HAVCR2: variants seen among roughly 807,000 people sequenced by gnomAD.
HAVCR2 encodes T cell immunoglobulin mucin 3.
Under a neutral mutation model 24.7 loss-of-function variants are expected in HAVCR2, and 13 were observed. The ratio of observed to expected loss-of-function variants is 0.53; its 90% confidence interval spans 0.34 to 0.84. The LOEUF is 0.84. HAVCR2 is among the 40% of genes least tolerant of loss of function. HAVCR2 has a pLI of 0.01. For synonymous variants in HAVCR2, 154 were observed against 143.4 expected (o/e 1.07, Z -0.53); for missense variants, 343 against 371.2 (o/e 0.92, Z 0.62).
intron 5 of HAVCR2, among the ~76,000 whole-genome samples, chr5:157,089,366 G>A (rs1349587413): frequency 4.6e-5 from 7 of 151,826 alleles, no homozygotes; most frequent in Non-Finnish European, 7.4e-5. Flanking sequence ...GAGAAACCCC[G>A]TCTCTACTAA....
At position 157,089,981 on chromosome 5, in the gene HAVCR2, C is replaced by T. The variant is rs558760288; in HGVS notation, c.677-1004G>A. The stretch of plus-strand genomic sequence containing the variant: ...TTCTTTTACCCGCTGAAAACAACTA[C>T]GTTATCTCATCATTTCTGTGTTGTG... On this transcript the variant is annotated intron_variant, in intron 5 of 6. Coordinates refer to ENST00000307851, the MANE Select transcript of HAVCR2 (RefSeq NM_032782.5). Among the ~76,000 whole-genome samples the T allele has an allele frequency of 3.3e-5, 5 of 152,142 alleles. No individual in the cohort carries two copies. The South Asian group carries it at 6.2e-4, about 19-fold the overall frequency.
In HAVCR2 at chr5:157,095,382, T is replaced by C. The variant is rs769397225; in HGVS notation, c.600A>G (p.Arg200=). 3.1e-6 allele frequency: 5 copies of C among 1,614,176 alleles called. No individual in the cohort carries two copies. The highest frequency in any genetic ancestry group is 4.2e-6 in the Non-Finnish European group (5 of 1,180,026). ...TCCCTGCTCCGATGTAGATGCCTAT[T>C]CTGATGGTTGCTCCAGAGTCCCGTA... ...NDLRDSGATI[R]IGIYIGAGIC... The change falls in exon 5 of 7, where the codon AGA becomes AGG. Residue 200 remains arginine (R), a synonymous_variant. Transcript: ENST00000307851.
At chr5:157,103,083 G>C (rs1581762015) in intron 3 of HAVCR2, among the ~76,000 whole-genome samples, 1 of 152,138 alleles carries the variant, frequency 6.6e-6, no homozygotes, top group African/African-American at 2.4e-5. Flanking sequence ...AAAAGTACTG[G>C]CCGGGCGCGG....
At chr5:157,107,395 C>A (rs1043601844) in intron 1 of HAVCR2, 1 of 162,124 alleles carries the variant, frequency 6.2e-6, no homozygotes, top group African/African-American at 2.4e-5. Context: ...GCCCGCCCAT[C>A]TGGGCTACTT....
intron 5 of HAVCR2, among the ~76,000 whole-genome samples, chr5:157,089,833 G>T (rs1368211432): frequency 7.9e-5 from 12 of 152,134 alleles, no homozygotes; most frequent in Admixed American, 7.9e-4. Context: ...TGAAAGGTAG[G>T]CTGGGGCTAG....
intron 6 of HAVCR2, among the ~76,000 whole-genome samples, chr5:157,087,889 C>G (rs1265395376): frequency 1.4e-5 from 2 of 147,708 alleles, no homozygotes; most frequent in Non-Finnish European, 3.0e-5. Context: ...GGTGACAGAG[C>G]CAGACTCCGT....
In HAVCR2 at chr5:157,106,482, C is replaced by T. The variant is rs1757253546; in HGVS notation, c.394+145G>A. 5.0e-5 allele frequency: 33 copies of T among 654,566 alleles called. 1 individual carries two copies. In the South Asian group the frequency reaches 5.5e-4, roughly 11 times the overall value. The allele number at this position is 654,566 out of a possible 1,614,324, so 40.5% of individuals were successfully genotyped here. On this transcript the variant is annotated intron_variant, in intron 2 of 6. Coordinates refer to ENST00000307851, the MANE Select transcript of HAVCR2 (RefSeq NM_032782.5). ...AGGTGTTAAATATCACTGAGCATCA[C>T]CAATGGGGCCTGTTAAACTTTAGGT...
rs899432451 is a variant in HAVCR2 at position 157,085,846 on chromosome 5, A to C, written c.*1256T>G. On this transcript the variant is annotated 3_prime_UTR_variant, in exon 7 of 7. Transcript: ENST00000307851. ...AACAAACAAAAAACAGTAAAAAAAAATTTTTAGTAAGTTCCAATTGTGTGT... is the reference window on the plus strand; with the variant it reads ...AACAAACAAAAAACAGTAAAAAAAACTTTTTAGTAAGTTCCAATTGTGTGT... 2 of 152,178 alleles carry C rather than the reference A, an allele frequency of 1.3e-5. No homozygotes were observed. Among genetic ancestry groups the C allele is most frequent in the Non-Finnish European group, 2.9e-5 (2 of 68,048 alleles). The allele number at this position is 152,178 out of a possible 1,614,324, so 9.4% of individuals were successfully genotyped here. A position where few individuals can be genotyped will look rare whatever the true frequency, so the allele number is the denominator to read the frequency against.
intron 4 of HAVCR2, among the ~76,000 whole-genome samples, chr5:157,096,517 G>A (rs1339810902): frequency 2.0e-5 from 3 of 152,010 alleles, no homozygotes; most frequent in Non-Finnish European, 4.4e-5. Flanking sequence ...GGTGGCTCAC[G>A]CCTGTAGTCC....
chr5:157,098,447 G>C (rs1341601429), intron 4 of HAVCR2, among the ~76,000 whole-genome samples: 2 of 151,260 alleles, frequency 1.3e-5, no homozygotes, highest in African/African-American at 2.4e-5. Flanking sequence ...GAATATTCCT[G>C]ACTGGTGTCT....
intron 4 of HAVCR2, among the ~76,000 whole-genome samples, chr5:157,097,028 T>G (rs149294544): frequency 2.6e-5 from 4 of 152,186 alleles, no homozygotes; most frequent in African/African-American, 9.6e-5. Flanking sequence ...TTATTCAATA[T>G]ACATTTACAA....
intron 3 of HAVCR2, among the ~76,000 whole-genome samples, chr5:157,101,799 G>T (rs1415814049): frequency 6.7e-6 from 1 of 149,900 alleles, no homozygotes; most frequent in South Asian, 2.1e-4. Flanking sequence ...TCTGAGAAAG[G>T]GTCTCGCTCT....
rs1235708426 is a variant in HAVCR2, at chr5:157,095,321, C to CGCCGAAGATAAGAGCCAGAGCCA, written c.638_660dup (p.Ala221TrpfsTer10). ...AAACACTTACATTTGAAAATTAAAG[C>CGCCGAAGATAAGAGCCAGAGCCA]GCCGAAGATAAGAGCCAGAGCCAGC... On this transcript the variant is annotated frameshift_variant, in exon 5 of 7. Transcript: ENST00000307851. LOFTEE classifies it high-confidence loss of function. The CGCCGAAGATAAGAGCCAGAGCCA allele has an allele frequency of 1.2e-6, 2 of 1,613,214 alleles. No homozygotes were observed. The highest frequency in any genetic ancestry group is 1.7e-6 in the Non-Finnish European group (2 of 1,179,828).
chr5:157,098,349 G>A (rs1324232608), intron 4 of HAVCR2, among the ~76,000 whole-genome samples: 2 of 151,740 alleles, frequency 1.3e-5, no homozygotes, highest in Admixed American at 6.6e-5. Context: ...GGAGGTTGAG[G>A]TGAGCCAGGA....
intron 4 of HAVCR2, among the ~76,000 whole-genome samples, chr5:157,096,229 CAAAAAA>C (rs386405404): frequency 2.2e-5 from 2 of 90,724 alleles, no homozygotes; most frequent in East Asian, 6.0e-4. Flanking sequence ...GACTCCATCT[CAAAAAA>C]AAAAAAAAAA....
rs1479063880 is a variant in HAVCR2, at chr5:157,106,948, C to T, written c.73G>A (p.Glu25Lys). The T allele has an allele frequency of 6.2e-7, 1 of 1,613,000 alleles. No homozygotes were observed. The highest frequency in any genetic ancestry group is 8.5e-7 in the Non-Finnish European group (1 of 1,179,470). ...LLLLTRSSEV[E>K]YRAEVGQNAY... ...TTCTGACCGACCTCCGCTCTGTATT[C>T]CACTTCTGAGGACCCTGCATAGAGA... Residue 25 changes from glutamate to lysine, a missense_variant, in exon 2 of 7, where the codon GAA becomes AAA. Physicochemically the swap from Glu to Lys is moderately conservative, Grantham distance 56. Coordinates refer to ENST00000307851, the MANE Select transcript of HAVCR2 (RefSeq NM_032782.5).
intron 3 of HAVCR2, among the ~76,000 whole-genome samples, chr5:157,100,288 C>A (rs1405191916): frequency 1.3e-5 from 2 of 152,202 alleles, no homozygotes; most frequent in Non-Finnish European, 2.9e-5. Context: ...AAATGGCCTT[C>A]CAATTTAGGT....
rs560827907 is a variant in HAVCR2 at position 157,098,810 on chromosome 5, T to C, written c.522+48A>G. On this transcript the variant is annotated intron_variant, in intron 4 of 6. Transcript: ENST00000307851. ...CATGAAGGAAGTCTAAAGCCATGAT[T>C]TCCCCTCCAAGTTGAGTACAACATA... The C allele has an allele frequency of 3.9e-6, 6 of 1,558,330 alleles. No individual in the cohort carries two copies. The African/African-American group carries it at 6.8e-5, about 18-fold the overall frequency.
chr5:157,090,131 T>C (rs1298502518), intron 5 of HAVCR2, among the ~76,000 whole-genome samples: 2 of 136,160 alleles, frequency 1.5e-5, no homozygotes, highest in African/African-American at 5.5e-5. Flanking sequence ...TCTTTTTTTT[T>C]TTTTTTTTTT....
Sources: allele counts gnomAD v4.1 joint callset (sites outside exome capture counted in the v4.1 genomes callset), GRCh38; gene constraint gnomAD v4.1.1; transcripts MANE v1.5; gene names NCBI Gene and HGNC (gene_info 2026-07-23, HGNC 2026-07-21).